Variants in SLC6A6 observed in about 807,000 individuals in gnomAD.
The protein encoded by SLC6A6 is solute carrier family 6 member 6.
Under a neutral mutation model 68.8 loss-of-function variants are expected in SLC6A6, and 16 were observed. The ratio of observed to expected loss-of-function variants is 0.23; its 90% CI spans 0.16 to 0.35. SLC6A6 has a LOEUF of 0.35. Among genes scored for constraint, SLC6A6 ranks in the 10% least tolerant of loss-of-function variants. SLC6A6 has a pLI of 1.00. For missense variants in SLC6A6, 474 were observed against 802.8 expected (o/e 0.59, Z 4.95); for synonymous variants, 312 against 315.4 (o/e 0.99, Z 0.12).
At chr3:14,430,898 A>C (rs539659200) in intron 2 of SLC6A6, among the ~76,000 whole-genome samples, 2 of 152,078 alleles carry the variant, frequency 1.3e-5, no homozygotes, top group African/African-American at 4.8e-5. Context: ...CTGATCTGCT[A>C]TGTGGCCTGG....
intron 2 of SLC6A6, among the ~76,000 whole-genome samples, chr3:14,443,113 G>A (rs1423839954): frequency 6.6e-6 from 1 of 152,040 alleles, no homozygotes; most frequent in African/African-American, 2.4e-5. Context: ...GTTATAAATG[G>A]TCATCCCTGT....
chr3:14,445,236 C>G (rs573508749), intron 3 of SLC6A6, among the ~76,000 whole-genome samples: 88 of 148,750 alleles, frequency 5.9e-4, no homozygotes, highest in African/African-American at 2.1e-3. Flanking sequence ...TCCTGACTAA[C>G]ATGGTGAAAC....
chr3:14,470,488 G>T (rs1488190599), intron 9 of SLC6A6, among the ~76,000 whole-genome samples: 2 of 152,204 alleles, frequency 1.3e-5, no homozygotes, highest in Non-Finnish European at 1.5e-5. Context: ...AGTTCACCAT[G>T]CACTTTTAGA....
rs180788614 is a variant in SLC6A6 at position 14,423,437 on chromosome 3, C to T, written c.-12+6984C>T. Among the ~76,000 whole-genome samples the T allele has an allele frequency of 1.8e-3, 277 of 152,312 alleles. 1 individual carries two copies. Among genetic ancestry groups the T allele is most frequent in the African/African-American group, 6.1e-3 (254 of 41,574 alleles). The stretch of plus-strand genomic sequence containing the variant: ...TTGGTAAAGAGCCAGGAGGCTGGAC[C>T]TTGTCTCAGGTGGGTAGAAGGAAGC... On this transcript the variant is annotated intron_variant, in intron 2 of 14. Transcript: ENST00000622186.
At chr3:14,410,022 C>A (rs1445282970) in intron 1 of SLC6A6, among the ~76,000 whole-genome samples, 1 of 152,030 alleles carries the variant, frequency 6.6e-6, no homozygotes, top group African/African-American at 2.4e-5. Context: ...CCCATTTCTA[C>A]TAAAAATACA....
At chr3:14,448,796 G>T (rs1700190532) in intron 5 of SLC6A6, among the ~76,000 whole-genome samples, 2 of 152,228 alleles carry the variant, frequency 1.3e-5, no homozygotes, top group Non-Finnish European at 2.9e-5. Context: ...GAGCTGATGT[G>T]TGGAGACATT....
intron 10 of SLC6A6, among the ~76,000 whole-genome samples, chr3:14,475,550 A>G (rs1392025952): frequency 1.3e-5 from 2 of 152,194 alleles, no homozygotes; most frequent in African/African-American, 2.4e-5. Flanking sequence ...GAAGCCAATC[A>G]CACAGCTGTT....
intron 2 of SLC6A6, among the ~76,000 whole-genome samples, chr3:14,436,931 G>A (rs1012169817): frequency 6.6e-6 from 1 of 152,184 alleles, no homozygotes; most frequent in African/African-American, 2.4e-5. Flanking sequence ...CAGCCGGCTT[G>A]CAGCTGGCTC....
intron 4 of SLC6A6, 31 bp from the exon 5 acceptor site, chr3:14,447,551 T>C (rs1478462087): frequency 1.2e-6 from 2 of 1,612,774 alleles, no homozygotes; most frequent in Non-Finnish European, 1.7e-6. Flanking sequence ...CTCCCTCAGA[T>C]GTTTACTCAT....
chr3:14,451,080 G>T (rs1700241259), intron 5 of SLC6A6, among the ~76,000 whole-genome samples: 1 of 152,166 alleles, frequency 6.6e-6, no homozygotes, highest in Non-Finnish European at 1.5e-5. Context: ...TGGCCTCTTG[G>T]ATCTCTCCGT....
At position 14,466,283 on chromosome 3, in the gene SLC6A6, A is replaced by G. The variant is rs549858707; in HGVS notation, c.733-233A>G. On this transcript the variant is annotated intron_variant, in intron 6 of 14. Transcript: ENST00000622186. The stretch of plus-strand genomic sequence containing the variant: ...TCAAATTTAAAAAAAAAAAAAAAAA[A>G]AAAAAGAAATCTGTGAGGTAGGTAC... Among the ~76,000 whole-genome samples the G allele has an allele frequency of 9.4e-4, 142 of 150,394 alleles. 4 individuals carry two copies. The South Asian group carries it at 0.027, about 29-fold the overall frequency.
At chr3:14,418,954 A>G (rs1699426633) in intron 2 of SLC6A6, among the ~76,000 whole-genome samples, 1 of 152,042 alleles carries the variant, frequency 6.6e-6, no homozygotes, top group South Asian at 2.1e-4. Context: ...TTCCCCCGGG[A>G]CTTCCTCCTG....
At chr3:14,484,283 A>G (rs985679022) in intron 14 of SLC6A6, among the ~76,000 whole-genome samples, 3 of 152,218 alleles carry the variant, frequency 2.0e-5, no homozygotes, top group African/African-American at 7.2e-5. Flanking sequence ...AGGGCAGCTC[A>G]AATGCGAGCA....
intron 14 of SLC6A6, among the ~76,000 whole-genome samples, chr3:14,483,892 C>T (rs1277706574): frequency 6.6e-6 from 1 of 151,936 alleles, no homozygotes; most frequent in Non-Finnish European, 1.5e-5. Flanking sequence ...ACTGTGTTGC[C>T]CAGACTGCCT....
At chr3:14,470,111 A>C (rs1360251558) in intron 9 of SLC6A6, among the ~76,000 whole-genome samples, 1 of 152,174 alleles carries the variant, frequency 6.6e-6, no homozygotes, top group Non-Finnish European at 1.5e-5. Context: ...AATCTCCAGG[A>C]GTATGGAGTG....
chr3:14,465,154 A>T (rs1169889820), intron 6 of SLC6A6, among the ~76,000 whole-genome samples: 1 of 152,216 alleles, frequency 6.6e-6, no homozygotes, highest in Non-Finnish European at 1.5e-5. Context: ...GGCACCTTCG[A>T]ACTCCTCCCA....
chr3:14,450,416 T>G lies in SLC6A6; in HGVS notation c.599+2600T>G, dbSNP rs1700228464. On this transcript the variant is annotated intron_variant, in intron 5 of 14. Coordinates refer to ENST00000622186, the MANE Select transcript of SLC6A6 (RefSeq NM_003043.6). This position sits in a 1 kb window ranked among gnomAD's most constrained non-coding sequence, Gnocchi z 4.1. Reference sequence around the variant, plus strand: ...AAAGTGTCTGGTTCTGCAGGCATCTTCCCAAGCTTCTGCATGATCCAGATG... The same window carrying G: ...AAAGTGTCTGGTTCTGCAGGCATCTGCCCAAGCTTCTGCATGATCCAGATG... Among the ~76,000 whole-genome samples, 1 of 152,112 alleles carries G rather than the reference T, an allele frequency of 6.6e-6. No individual in the cohort carries two copies. The highest frequency in any genetic ancestry group is 1.5e-5 in the Non-Finnish European group (1 of 68,008).
intron 2 of SLC6A6, among the ~76,000 whole-genome samples, chr3:14,433,293 A>G (rs1240735165): frequency 1.3e-5 from 2 of 152,168 alleles, no homozygotes; most frequent in Non-Finnish European, 2.9e-5. Flanking sequence ...CATTACAGCA[A>G]AGGGTGACCC....
At chr3:14,466,444 T>C in intron 6 of SLC6A6, 72 bp from the exon 7 acceptor site, 2 of 1,531,384 alleles carry the variant, frequency 1.3e-6, no homozygotes, top group Non-Finnish European at 1.8e-6. Flanking sequence ...CCTCTGCCTC[T>C]CTGAGAGGAT....
Sources: allele counts gnomAD v4.1 joint callset (sites outside exome capture counted in the v4.1 genomes callset), GRCh38; gene constraint gnomAD v4.1.1; non-coding constraint Gnocchi (gnomAD v3.1); transcripts MANE v1.5; gene names NCBI Gene and HGNC (gene_info 2026-07-23, HGNC 2026-07-21).